SIK3: variants seen among roughly 807,000 people sequenced by gnomAD.
SIK3 encodes serine/threonine-protein kinase SIK3.
SIK3 carries 28 observed loss-of-function variants against 144.2 expected under a neutral mutation model. The observed-to-expected ratio is 0.19, with a 90% CI of 0.14 to 0.27. The LOEUF (loss-of-function observed/expected upper bound fraction) is 0.27, where lower values mean the gene tolerates loss of function less well. Among genes scored for constraint, SIK3 ranks in the 10% least tolerant of loss-of-function variants. The probability of loss-of-function intolerance (pLI) is 1.00; values close to 1 mark genes in which losing one functional copy is unlikely to be tolerated. For missense variants in SIK3, 1,319 were observed against 1,776.0 expected (o/e 0.74, Z 4.62); for synonymous variants, 686 against 676.3 (o/e 1.01, Z -0.22).
chr11:116,883,592 C>T (rs971468490), intron 6 of SIK3, among the ~76,000 whole-genome samples: 1 of 152,166 alleles, frequency 6.6e-6, no homozygotes, highest in African/African-American at 2.4e-5. Context: ...ATTTATTTAA[C>T]ATAGTCACTA....
At position 116,996,819 on chromosome 11, in the gene SIK3, CAAAAAAAAAAAAAA is replaced by C. The variant is rs11329513; in HGVS notation, c.274-39769_274-39756del. 3.3e-4 allele frequency among the ~76,000 whole-genome samples: 19 copies of C among 58,406 alleles called. No individual in the cohort carries two copies. In the South Asian group the frequency reaches 4.3e-3, roughly 13 times the overall value. The allele number at this position is 58,406 out of a possible 152,430, so 38.3% of individuals were successfully genotyped here. ...TGGGCGCCAGAGGGAGACTCTCTCT[CAAAAAAAAAAAAAA>C]AAAAAAAAAAAAAAGACATTTCTCT... On this transcript the variant is annotated intron_variant, in intron 1 of 24. Coordinates refer to ENST00000445177, the MANE Select transcript of SIK3 (RefSeq NM_001366686.3).
chr11:117,021,575 T>C (rs1018829368), intron 1 of SIK3, among the ~76,000 whole-genome samples: 28 of 152,184 alleles, frequency 1.8e-4, no homozygotes, highest in African/African-American at 6.8e-4. Flanking sequence ...AGAAAGCTGT[T>C]CTCAATTTCA....
chr11:116,890,341 A>G (rs375438294), intron 6 of SIK3, among the ~76,000 whole-genome samples: 3 of 152,228 alleles, frequency 2.0e-5, no homozygotes, highest in East Asian at 3.8e-4. Context: ...TCAGAACCGG[A>G]GGTGAACAGT....
intron 3 of SIK3, among the ~76,000 whole-genome samples, chr11:116,932,667 C>T (rs1947679731): frequency 6.6e-6 from 1 of 152,184 alleles, no homozygotes; most frequent in South Asian, 2.1e-4. Context: ...CATGCTTGTT[C>T]CTCTATGCCC....
chr11:117,023,627 T>A (rs867612066), intron 1 of SIK3, among the ~76,000 whole-genome samples: 2,317 of 133,400 alleles, frequency 0.017, 88 homozygotes, highest in East Asian at 0.05. Flanking sequence ...AAAAAATATA[T>A]ATATATATAT....
intron 1 of SIK3, among the ~76,000 whole-genome samples, chr11:117,069,923 T>C (rs922014137): frequency 4.6e-5 from 7 of 152,246 alleles, no homozygotes; most frequent in Admixed American, 4.6e-4. Flanking sequence ...TAAAAATCTT[T>C]ATGAGAAATT....
intron 1 of SIK3, among the ~76,000 whole-genome samples, chr11:117,024,007 T>C (rs910705335): frequency 2.0e-5 from 3 of 152,006 alleles, no homozygotes; most frequent in Non-Finnish European, 4.4e-5. Flanking sequence ...CAAACCACTA[T>C]CTGCTCTGTA....
In SIK3 at chr11:116,844,635, T is replaced by TATATTA. The variant is rs1163171454; in HGVS notation, c.*1007_*1008insTAATAT. ...ATATATATAATATATATATAATATA[T>TATATTA]TATATTATATATTATATATATAATA... On this transcript the variant is annotated 3_prime_UTR_variant, in exon 25 of 25. Transcript: ENST00000445177. 4 of 9,730 alleles carry TATATTA rather than the reference T, an allele frequency of 4.1e-4. No individual in the cohort carries two copies. The highest frequency in any genetic ancestry group is 1.9e-3 in the African/African-American group (2 of 1,030). 0.6% of individuals were successfully genotyped at this position (9,730 alleles called of 1,614,324 possible).
chr11:116,879,456 A>G (rs1456760927), intron 6 of SIK3, among the ~76,000 whole-genome samples: 1 of 152,242 alleles, frequency 6.6e-6, no homozygotes, highest in Non-Finnish European at 1.5e-5. Context: ...AAGAAATGGT[A>G]AAGTTGGGAC....
At chr11:116,943,869 C>T (rs552384833) in intron 3 of SIK3, among the ~76,000 whole-genome samples, 4 of 151,404 alleles carry the variant, frequency 2.6e-5, no homozygotes, top group African/African-American at 7.3e-5. Flanking sequence ...ACAATGTGTG[C>T]CATTTATATA....
intron 1 of SIK3, among the ~76,000 whole-genome samples, chr11:117,070,292 A>G (rs1260914094): frequency 6.6e-6 from 1 of 152,198 alleles, no homozygotes; most frequent in Non-Finnish European, 1.5e-5. Flanking sequence ...GAATTTTTTT[A>G]AAGGGATAAT....
chr11:116,990,337 C>G (rs1345084101), intron 1 of SIK3, among the ~76,000 whole-genome samples: 2 of 152,144 alleles, frequency 1.3e-5, no homozygotes, highest in Non-Finnish European at 2.9e-5. Context: ...AACATCAGAG[C>G]ACTCCCCAGT....
intron 1 of SIK3, among the ~76,000 whole-genome samples, chr11:117,037,267 C>A (rs1952547006): frequency 6.6e-6 from 1 of 152,114 alleles, no homozygotes; most frequent in Non-Finnish European, 1.5e-5. Context: ...TCTAAAGGAT[C>A]CTCTCGCCAT....
At chr11:116,862,425 G>A in intron 16 of SIK3, 98 bp from the exon 17 acceptor site, 1 of 1,509,540 alleles carries the variant, frequency 6.6e-7, no homozygotes, top group South Asian at 1.2e-5. Context: ...CTCATGGGCA[G>A]AAAGAGCCGC....
chr11:116,970,113 A>G (rs1949714985), intron 1 of SIK3, among the ~76,000 whole-genome samples: 2 of 150,940 alleles, frequency 1.3e-5, no homozygotes, highest in African/African-American at 4.8e-5. Context: ...CTGTCTCTAC[A>G]AAAAAAATTT....
intron 1 of SIK3, among the ~76,000 whole-genome samples, chr11:117,025,240 A>AC (rs1951960287): frequency 6.6e-6 from 1 of 152,198 alleles, no homozygotes; most frequent in East Asian, 1.9e-4. Flanking sequence ...AGCTTGAAAA[A>AC]AATCACTGAT....
chr11:116,868,433 A>C (rs1373588007), intron 14 of SIK3, among the ~76,000 whole-genome samples: 1 of 152,236 alleles, frequency 6.6e-6, no homozygotes, highest in African/African-American at 2.4e-5. Context: ...TTTTCCCTCC[A>C]AATTTCCAAA....
chr11:117,086,895 TGAGGCAGGGGAATCACTTGAACCGGA>T (rs1189705223), intron 1 of SIK3, among the ~76,000 whole-genome samples: 1 of 149,164 alleles, frequency 6.7e-6, no homozygotes, highest in African/African-American at 2.5e-5. Flanking sequence ...CTGAGGAGGC[TGAGGCAGGGGAATCACTTGAACCGGA>T]GAGGCAGAGG....
chr11:117,091,900 C>T (rs773707918), intron 1 of SIK3, among the ~76,000 whole-genome samples: 4 of 152,016 alleles, frequency 2.6e-5, no homozygotes, highest in Admixed American at 2.0e-4. Flanking sequence ...CTCCCGCCTC[C>T]ACCTCCCAAG....
Sources: allele counts gnomAD v4.1 joint callset (sites outside exome capture counted in the v4.1 genomes callset), GRCh38; gene constraint gnomAD v4.1.1; transcripts MANE v1.5; gene names NCBI Gene and HGNC (gene_info 2026-07-23, HGNC 2026-07-21).